The following EXD3 variants were observed in gnomAD, a reference collection of about 807,000 sequenced individuals.
The protein encoded by EXD3 is exonuclease mut-7 homolog.
In EXD3, 92 loss-of-function variants were observed where a neutral mutation model predicts 98.0. The ratio of observed to expected loss-of-function variants is 0.94; its 90% CI spans 0.79 to 1.12. EXD3 has a LOEUF of 1.12. EXD3 is among the 50% of genes most tolerant of loss of function. The pLI is 0.00. For synonymous variants in EXD3, 569 were observed against 526.0 expected (o/e 1.08, Z -1.12); for missense variants, 1,222 against 1,191.6 (o/e 1.03, Z -0.38).
chr9:137,355,777 C>A (rs577097581), intron 8 of EXD3, among the ~76,000 whole-genome samples: 1 of 151,374 alleles, frequency 6.6e-6, no homozygotes, highest in South Asian at 2.1e-4. Context: ...AAACTTCCGG[C>A]CAGGTGCCAG....
At chr9:137,415,818 T>G (rs1838206743) in intron 1 of EXD3, among the ~76,000 whole-genome samples, 2 of 152,218 alleles carry the variant, frequency 1.3e-5, no homozygotes, top group African/African-American at 4.8e-5. Flanking sequence ...AAACCATGTT[T>G]TATAAAAATA....
chr9:137,343,433 A>G (rs1459254213), intron 17 of EXD3: 1 of 34,830 alleles, frequency 2.9e-5, no homozygotes, highest in Non-Finnish European at 6.2e-5. Context: ...CCATCCCATT[A>G]TATCCATTAG....
chr9:137,391,429 A>G (rs923021588), intron 2 of EXD3, among the ~76,000 whole-genome samples: 1 of 152,202 alleles, frequency 6.6e-6, no homozygotes, highest in Non-Finnish European at 1.5e-5. Context: ...CCGGGAAGCC[A>G]GGGCAGCCTC....
intron 5 of EXD3, among the ~76,000 whole-genome samples, chr9:137,369,409 C>G (rs1232200018): frequency 6.6e-6 from 1 of 152,176 alleles, no homozygotes; most frequent in African/African-American, 2.4e-5. Context: ...CCGTTCAGAA[C>G]CGCAGGGTGG....
intron 3 of EXD3, among the ~76,000 whole-genome samples, chr9:137,382,661 C>CG (rs1836375955): frequency 6.6e-6 from 1 of 152,138 alleles, no homozygotes; most frequent in South Asian, 2.1e-4. Flanking sequence ...GGGCATCCCC[C>CG]GGGCCTGCAG....
chr9:137,415,723 A>G (rs1355406705), intron 1 of EXD3, among the ~76,000 whole-genome samples: 1 of 152,248 alleles, frequency 6.6e-6, no homozygotes, highest in Admixed American at 6.5e-5. Context: ...TGGGGCCAAC[A>G]GTCCCCCATC....
intron 19 of EXD3, among the ~76,000 whole-genome samples, chr9:137,310,147 C>CA (rs1250551424): frequency 6.6e-6 from 1 of 152,262 alleles, no homozygotes; most frequent in Admixed American, 6.5e-5. Flanking sequence ...CTGCGCCTCC[C>CA]ACTGCCCTGG....
At chr9:137,316,721 G>C (rs977690292) in intron 19 of EXD3, among the ~76,000 whole-genome samples, 4 of 152,218 alleles carry the variant, frequency 2.6e-5, no homozygotes, top group Non-Finnish European at 5.9e-5. Context: ...AGAGTGGGGC[G>C]AGGGCCCCGG....
intron 17 of EXD3, among the ~76,000 whole-genome samples, chr9:137,335,763 C>T (rs953845042): frequency 5.9e-5 from 9 of 152,082 alleles, no homozygotes; most frequent in African/African-American, 1.9e-4. Flanking sequence ...GCAGATCTAC[C>T]GTGTGCTCCA....
At chr9:137,339,725 C>G (rs1442898480) in intron 17 of EXD3, among the ~76,000 whole-genome samples, 7 of 152,122 alleles carry the variant, frequency 4.6e-5, no homozygotes, top group African/African-American at 1.4e-4. Context: ...TCATTCATAA[C>G]AAAAACCTAC....
intron 7 of EXD3, among the ~76,000 whole-genome samples, chr9:137,363,335 CTT>C (rs71387828): frequency 0.6 from 49,123 of 81,300 alleles, 13,199 homozygotes; most frequent in East Asian, 0.75. Flanking sequence ...GTGCAATTTC[CTT>C]TTTTTTTTTT....
At chr9:137,352,296 G>A in intron 11 of EXD3, 95 bp from the exon 12 acceptor site, 1 of 1,535,622 alleles carries the variant, frequency 6.5e-7, no homozygotes, top group African/African-American at 1.4e-5. Flanking sequence ...CCTGTTTGGT[G>A]GGGGCATCTC....
chr9:137,322,599 G>T (rs1266130117), intron 19 of EXD3, among the ~76,000 whole-genome samples: 4 of 81,184 alleles, frequency 4.9e-5, no homozygotes, highest in Admixed American at 2.4e-4. Flanking sequence ...CACGAGGGAT[G>T]CTCTGCCGAC....
intron 1 of EXD3, among the ~76,000 whole-genome samples, chr9:137,419,954 T>C (rs920473470): frequency 1.3e-5 from 2 of 152,000 alleles, no homozygotes; most frequent in African/African-American, 2.4e-5. Flanking sequence ...GGTCAGGAGA[T>C]CGAGACCATC....
At chr9:137,417,354 C>T (rs957760324) in intron 1 of EXD3, among the ~76,000 whole-genome samples, 2 of 152,220 alleles carry the variant, frequency 1.3e-5, no homozygotes, top group African/African-American at 4.8e-5. Context: ...AGGAAGCGAG[C>T]GCGCCCGCAG....
In EXD3 at chr9:137,397,397, G is replaced by T. The variant is rs147919055; in HGVS notation, c.-47-1993C>A. On this transcript the variant is annotated intron_variant, in intron 1 of 21. Coordinates refer to ENST00000340951, the MANE Select transcript of EXD3 (RefSeq NM_017820.5). ...CACAACCCCAAGTTCAAGGGACTCAGCCAGAAGCTGAACAGCCCACCGGAG... is the reference window on the plus strand; with the variant it reads ...CACAACCCCAAGTTCAAGGGACTCATCCAGAAGCTGAACAGCCCACCGGAG... Among the ~76,000 whole-genome samples the T allele has an allele frequency of 4.7e-3, 711 of 152,278 alleles. 5 individuals carry two copies. Among genetic ancestry groups the T allele is most frequent in the African/African-American group, 0.017 (686 of 41,552 alleles).
intron 17 of EXD3, among the ~76,000 whole-genome samples, chr9:137,340,878 G>T (rs1012522491): frequency 1.2e-4 from 19 of 152,178 alleles, no homozygotes; most frequent in Non-Finnish European, 2.6e-4. Context: ...GCAGTTCCAA[G>T]CAACACTGAA....
chr9:137,365,774 C>A, intron 7 of EXD3: 1 of 324,994 alleles, frequency 3.1e-6, no homozygotes, highest in Non-Finnish European at 6.0e-6. Context: ...ACCACATGCA[C>A]GAAAACACAC....
chr9:137,381,298 C>T (rs1836254305), intron 3 of EXD3: 1 of 150,918 alleles, frequency 6.6e-6, no homozygotes, highest in African/African-American at 2.4e-5. Flanking sequence ...CGCCTGTAAT[C>T]CCAGCTACTC....
Sources: gnomAD v4.1 joint callset for allele counts (sites outside exome capture counted in the v4.1 genomes callset) on GRCh38, gnomAD v4.1.1 for gene constraint, MANE v1.5 for transcripts, NCBI Gene and HGNC (gene_info 2026-07-23, HGNC 2026-07-21) for gene names.